The following EZH1 variants were observed in gnomAD, a reference collection of about 807,000 sequenced individuals.
EZH1 encodes histone-lysine N-methyltransferase EZH1.
A neutral mutation model predicts 100.5 loss-of-function variants in EZH1; 33 were observed. The observed-to-expected ratio is 0.33, with a 90% confidence interval of 0.25 to 0.44. The LOEUF (loss-of-function observed/expected upper bound fraction) is 0.44. Among genes scored for constraint, EZH1 ranks in the 20% least tolerant of loss-of-function variants. The pLI, the probability that EZH1 is intolerant of heterozygous loss-of-function variation, is 1.00. For synonymous variants in EZH1, 272 were observed against 313.8 expected (o/e 0.87, Z 1.41); for missense variants, 475 against 928.4 (o/e 0.51, Z 6.35).
In EZH1 at chr17:42,700,823, G is replaced by C. The variant is rs9766; in HGVS notation, c.*1709C>G. The C allele has an allele frequency of 6.6e-6, 1 of 152,324 alleles. No individual in the cohort carries two copies. Among genetic ancestry groups the C allele is most frequent in the African/African-American group, 2.4e-5 (1 of 41,304 alleles). The allele number at this position is 152,324 out of a possible 1,614,324, so 9.4% of individuals were successfully genotyped here. ...TCAGGAGTTGCTGGGTGCGGGGTAC[G>C]TGTGTGCCCTCCAGTGTGGTGAGTG... On this transcript the variant is annotated 3_prime_UTR_variant, in exon 21 of 21. Coordinates refer to ENST00000428826, the MANE Select transcript of EZH1 (RefSeq NM_001991.5).
At chr17:42,704,562 A>G in intron 18 of EZH1, 40 bp downstream of exon 18, 1 of 1,544,736 alleles carries the variant, frequency 6.5e-7, no homozygotes, top group Non-Finnish European at 8.8e-7. Flanking sequence ...AAAGAAAAAA[A>G]AAAAAGACCA....
intron 6 of EZH1, among the ~76,000 whole-genome samples, chr17:42,722,313 T>C (rs1301544302): frequency 6.8e-6 from 1 of 146,776 alleles, no homozygotes; most frequent in African/African-American, 2.5e-5. Flanking sequence ...TGAGTCCCTG[T>C]CTCTAAAAAA....
At chr17:42,730,367 T>C (rs1688707597) in intron 2 of EZH1, among the ~76,000 whole-genome samples, 1 of 151,916 alleles carries the variant, frequency 6.6e-6, no homozygotes, top group Non-Finnish European at 1.5e-5. Flanking sequence ...AAAAGTAGGA[T>C]ATGACAGCAG....
At chr17:42,717,064 G>C (rs1324340070) in intron 10 of EZH1, among the ~76,000 whole-genome samples, 1 of 152,106 alleles carries the variant, frequency 6.6e-6, no homozygotes, top group East Asian at 1.9e-4. Flanking sequence ...TTTCATCGCT[G>C]CCATACCGCT....
rs1049813734 is a variant in EZH1 at position 42,737,256 on chromosome 17, G to A, written c.-102-6338C>T. ...CCGCCTTGGCCTCCCAAAGTGCTGG[G>A]ATTACAGGCGTGAGCCACCGCGCCC... On this transcript the variant is annotated intron_variant, in intron 1 of 20. Transcript: ENST00000428826. 3.3e-5 allele frequency among the ~76,000 whole-genome samples: 5 copies of A among 152,334 alleles called. No individual in the cohort carries two copies. In the East Asian group the frequency reaches 9.7e-4, roughly 29 times the overall value.
intron 10 of EZH1, among the ~76,000 whole-genome samples, chr17:42,716,201 G>A (rs1321838179): frequency 2.6e-5 from 4 of 152,052 alleles, no homozygotes; most frequent in Admixed American, 6.6e-5. Context: ...GGGTAATAGA[G>A]GATACTATAC....
intron 6 of EZH1, 94 bp from the exon 7 acceptor site, chr17:42,720,543 G>T: frequency 9.2e-7 from 1 of 1,087,924 alleles, no homozygotes; most frequent in Non-Finnish European, 1.3e-6. Flanking sequence ...CAGAGGCCCA[G>T]ATATGTCACA....
chr17:42,705,907 T>C (rs762518804), intron 16 of EZH1, 100 bp downstream of exon 16: 6 of 1,229,942 alleles, frequency 4.9e-6, no homozygotes, highest in Non-Finnish European at 6.6e-6. Flanking sequence ...CACTTTCACA[T>C]ATAAAGCCTC....
At position 42,712,403 on chromosome 17, in the gene EZH1, C is replaced by T. The variant is rs769715225; in HGVS notation, c.1287G>A (p.Ser429=). The part of the protein sequence containing the change: ...PPQLCVVEAP[S]EPVEWTGAEE... ...CAGCCCCAGTCCATTCCACAGGCTC[C>T]GAGGGTGCTTCCACTACGCAGAGTT... The change falls in exon 12 of 21, where the codon TCG becomes TCA. Residue 429 remains serine (S), a synonymous_variant. Transcript: ENST00000428826. The T allele has an allele frequency of 1.7e-5, 27 of 1,613,996 alleles. No homozygotes were observed. The highest frequency in any genetic ancestry group is 1.3e-4 in the East Asian group (6 of 44,888).
At chr17:42,739,815 G>A (rs1042253921) in intron 1 of EZH1, among the ~76,000 whole-genome samples, 7 of 149,776 alleles carry the variant, frequency 4.7e-5, no homozygotes, top group South Asian at 4.2e-4. Flanking sequence ...ACAGAGTCTC[G>A]CGCTGTCGCC....
chr17:42,704,466 G>A (rs1326974198), intron 18 of EZH1, 136 bp downstream of exon 18: 19 of 592,830 alleles, frequency 3.2e-5, no homozygotes, highest in Non-Finnish European at 4.4e-5. Flanking sequence ...ACTTGAACCC[G>A]GGAGGCAGAG....
chr17:42,738,576 C>T (rs1363924876), intron 1 of EZH1, among the ~76,000 whole-genome samples: 3 of 150,366 alleles, frequency 2.0e-5, no homozygotes, highest in East Asian at 2.0e-4. Context: ...GGCTGGAGTG[C>T]GTTGGTGCAA....
Position 42,723,822 on chromosome 17 carries a change from T to G in EZH1, c.366+483A>C, listed in dbSNP as rs961852096. On this transcript the variant is annotated intron_variant, in intron 5 of 20. Transcript: ENST00000428826. ...ATGGCAGTATTTAGAGAGGAATGATTATCAAAACCACAAATAATCCTAGTA... is the reference window on the plus strand; with the variant it reads ...ATGGCAGTATTTAGAGAGGAATGATGATCAAAACCACAAATAATCCTAGTA... Among the ~76,000 whole-genome samples the G allele has an allele frequency of 8.6e-4, 131 of 152,158 alleles. 1 individual carries two copies. Among genetic ancestry groups the G allele is most frequent in the Non-Finnish European group, 5.9e-5 (4 of 68,024 alleles).
intron 15 of EZH1, among the ~76,000 whole-genome samples, chr17:42,707,652 C>T (rs1280675456): frequency 6.6e-6 from 1 of 152,194 alleles, no homozygotes; most frequent in Non-Finnish European, 1.5e-5. Flanking sequence ...ACCCAAAGTG[C>T]TGGGATTACA....
rs2053312276 is a variant in EZH1, at chr17:42,704,591, T to C, written c.2017+11A>G. On this transcript the variant is annotated intron_variant, in intron 18 of 20. Transcript: ENST00000428826. ...AAGACCACCTTGGGATGAGACAAAG[T>C]GACTTCATACCATTATTGAGGTTGA... The C allele has an allele frequency of 8.8e-6, 14 of 1,598,072 alleles. No homozygotes were observed. Among genetic ancestry groups the C allele is most frequent in the Non-Finnish European group, 1.2e-5 (14 of 1,173,264 alleles).
Position 42,718,003 on chromosome 17 carries a change from T to C in EZH1, c.996A>G (p.Pro332=). The C allele has an allele frequency of 6.2e-7, 1 of 1,614,204 alleles. No individual in the cohort carries two copies. Among genetic ancestry groups the C allele is most frequent in the East Asian group, 2.2e-5 (1 of 44,894 alleles). The change falls in exon 10 of 21, where the codon CCA becomes CCG. Residue 332 remains proline (P), a synonymous_variant. Transcript: ENST00000428826. The surrounding 1 kb of genome is among the most constrained non-coding windows in gnomAD (Gnocchi z 4.2). The part of the protein sequence containing the change: ...KNKEIKIEPE[P]CGTDCFLLLE... ...GCAAAAGGAAGCAGTCTGTGCCACA[T>C]GGTTCTGGTTCAATCTTGATTTCTT...
chr17:42,712,564 A>T (rs2053504863), intron 11 of EZH1, 79 bp from the exon 12 acceptor site: 25 of 1,295,424 alleles, frequency 1.9e-5, no homozygotes, highest in Non-Finnish European at 2.6e-5. Flanking sequence ...ACTCAGAAGT[A>T]CTTCATTCTA....
rs772844659 is a variant in EZH1 at position 42,717,975 on chromosome 17, C to T, written c.1023+1G>A. On this transcript the variant is annotated splice_donor_variant, in intron 10 of 20. Coordinates refer to ENST00000428826, the MANE Select transcript of EZH1 (RefSeq NM_001991.5). LOFTEE classifies it high-confidence loss of function. ...AATGCCAGAACAGCTTAAGAACATA[C>T]CAGCAAAAGGAAGCAGTCTGTGCCA... The T allele has an allele frequency of 1.2e-6, 2 of 1,613,922 alleles. No individual in the cohort carries two copies. The highest frequency in any genetic ancestry group is 4.5e-5 in the East Asian group (2 of 44,878).
intron 10 of EZH1, among the ~76,000 whole-genome samples, chr17:42,717,655 T>G (rs182912227): frequency 1.8e-4 from 27 of 152,274 alleles, no homozygotes; most frequent in South Asian, 1.5e-3. Flanking sequence ...GCAAAGAAAC[T>G]AGAGTGTGTA....
Sources: gnomAD v4.1 joint callset for allele counts (sites outside exome capture counted in the v4.1 genomes callset) on GRCh38, gnomAD v4.1.1 for gene constraint, Gnocchi (gnomAD v3.1) non-coding constraint, MANE v1.5 for transcripts, NCBI Gene and HGNC (gene_info 2026-07-23, HGNC 2026-07-21) for gene names.